Variants in SMARCC1 observed in about 807,000 individuals in gnomAD.
SMARCC1 encodes SWI/SNF complex subunit SMARCC1.
A neutral mutation model predicts 147.4 loss-of-function variants in SMARCC1; 43 were observed. That is an observed-to-expected ratio of 0.29 (90% CI 0.23 to 0.38). The LOEUF is 0.38. Among genes scored for constraint, SMARCC1 ranks in the 10% least tolerant of loss-of-function variants. SMARCC1 has a pLI of 1.00. For synonymous variants in SMARCC1, 495 were observed against 484.4 expected (o/e 1.02, Z -0.29); for missense variants, 1,119 against 1,381.1 (o/e 0.81, Z 3.01).
At chr3:47,617,368 A>T (rs1032261618) in intron 25 of SMARCC1, among the ~76,000 whole-genome samples, 1 of 152,238 alleles carries the variant, frequency 6.6e-6, no homozygotes, top group African/African-American at 2.4e-5. Context: ...TTCCTCACAT[A>T]GTTTGCCAGG....
intron 2 of SMARCC1, among the ~76,000 whole-genome samples, chr3:47,765,717 T>A (rs2034831703): frequency 6.6e-6 from 1 of 152,010 alleles, no homozygotes; most frequent in Admixed American, 6.6e-5. Flanking sequence ...TCTACATTTT[T>A]CCTCCAGTTG....
intron 26 of SMARCC1, chr3:47,604,025 G>A (rs1180937513): frequency 1.5e-5 from 7 of 456,686 alleles, no homozygotes; most frequent in Non-Finnish European, 3.1e-5. Context: ...ATAAGCATTT[G>A]ATGAATCAAA....
chr3:47,630,278 C>G (rs993077520), intron 24 of SMARCC1, among the ~76,000 whole-genome samples: 6 of 152,170 alleles, frequency 3.9e-5, no homozygotes, highest in Non-Finnish European at 8.8e-5. Flanking sequence ...CTCGCATGCA[C>G]AGTTCACAAA....
intron 7 of SMARCC1, among the ~76,000 whole-genome samples, chr3:47,716,723 T>C (rs548364363): frequency 6.6e-6 from 1 of 152,356 alleles, no homozygotes; most frequent in South Asian, 2.1e-4. Context: ...TTTTCCTATA[T>C]AGTTGCTGAA....
intron 3 of SMARCC1, among the ~76,000 whole-genome samples, chr3:47,739,509 T>G (rs1276354258): frequency 1.3e-5 from 2 of 152,122 alleles, no homozygotes; most frequent in Admixed American, 1.3e-4. Context: ...TTATTTTTAT[T>G]TTTGTAAAGC....
intron 11 of SMARCC1, among the ~76,000 whole-genome samples, chr3:47,696,903 C>T (rs2033859518): frequency 6.6e-6 from 1 of 152,158 alleles, no homozygotes; most frequent in African/African-American, 2.4e-5. Context: ...CTCCTTAGCC[C>T]AGGCTGCAGT....
At chr3:47,690,219 G>C (rs1266043768) in intron 12 of SMARCC1, among the ~76,000 whole-genome samples, 2 of 152,062 alleles carry the variant, frequency 1.3e-5, no homozygotes, top group Non-Finnish European at 2.9e-5. Context: ...AAAAGAAAAA[G>C]GGTTGGGTGC....
At chr3:47,768,367 T>C (rs2034865789) in intron 2 of SMARCC1, among the ~76,000 whole-genome samples, 1 of 152,162 alleles carries the variant, frequency 6.6e-6, no homozygotes, top group South Asian at 2.1e-4. Flanking sequence ...TTGTTTTTAA[T>C]TACGGCTTCT....
At chr3:47,665,426 G>A (rs1291398945) in intron 19 of SMARCC1, among the ~76,000 whole-genome samples, 2 of 151,964 alleles carry the variant, frequency 1.3e-5, no homozygotes, top group Admixed American at 6.6e-5. Flanking sequence ...TTATAAATAG[G>A]GATTTTCTAG....
At chr3:47,670,460 C>T in intron 19 of SMARCC1, 198 bp downstream of exon 19, 1 of 547,422 alleles carries the variant, frequency 1.8e-6, no homozygotes, top group Non-Finnish European at 3.3e-6. Flanking sequence ...TGGCACACGC[C>T]CTTAGTCCCA....
chr3:47,587,291 G>A lies in SMARCC1; in HGVS notation c.*918C>T, dbSNP rs2032086358. On this transcript the variant is annotated 3_prime_UTR_variant, in exon 28 of 28. Coordinates refer to ENST00000254480, the MANE Select transcript of SMARCC1 (RefSeq NM_003074.4). ...GAGAAAAAAATGCACACAAAGCAGT[G>A]AATAGTAGGCTAGACTCATTGGGGG... 1 of 109,468 alleles carries A rather than the reference G, an allele frequency of 9.1e-6. No individual in the cohort carries two copies. The highest frequency in any genetic ancestry group is 3.7e-4 in the South Asian group (1 of 2,734). 6.8% of individuals were successfully genotyped at this position (109,468 alleles called of 1,614,324 possible). A position where few individuals can be genotyped will look rare whatever the true frequency, so the allele number is the denominator to read the frequency against.
At chr3:47,671,151 G>C (rs1338431592) in intron 18 of SMARCC1, among the ~76,000 whole-genome samples, 1 of 96,056 alleles carries the variant, frequency 1.0e-5, no homozygotes, top group East Asian at 3.5e-4. Context: ...ACTCCAGCCT[G>C]GGCAACAGAG....
intron 1 of SMARCC1, among the ~76,000 whole-genome samples, chr3:47,774,086 T>C (rs950064497): frequency 2.0e-5 from 3 of 152,166 alleles, no homozygotes; most frequent in African/African-American, 7.2e-5. Flanking sequence ...GGTATGTCTC[T>C]ATTACAATAA....
intron 19 of SMARCC1, among the ~76,000 whole-genome samples, chr3:47,665,278 T>C (rs937185791): frequency 1.1e-4 from 17 of 152,198 alleles, no homozygotes; most frequent in African/African-American, 4.1e-4. Context: ...GGGTTTCCTC[T>C]GGATATTCAG....
chr3:47,725,032 C>CA (rs35548192), intron 6 of SMARCC1, among the ~76,000 whole-genome samples: 1,632 of 31,666 alleles, frequency 0.052, 138 homozygotes, highest in African/African-American at 0.16. Flanking sequence ...ACTGTCTCCA[C>CA]AAAAAAAAAA....
chr3:47,629,866 C>T (rs921389680), intron 24 of SMARCC1, among the ~76,000 whole-genome samples: 9 of 151,918 alleles, frequency 5.9e-5, no homozygotes, highest in Non-Finnish European at 1.3e-4. Context: ...AGGTTTTAAA[C>T]GACTAACTTC....
Position 47,676,765 on chromosome 3 carries a change from T to C in SMARCC1, c.1589A>G (p.Glu530Gly), listed in dbSNP as rs1251569549. 6.2e-7 allele frequency: 1 copy of C among 1,613,556 alleles called. No individual in the cohort carries two copies. Among genetic ancestry groups the C allele is most frequent in the Admixed American group, 1.7e-5 (1 of 60,008 alleles). ...TTGGTAATTAACGAGTCCCCACTGC[T>C]CTAAAAAGGCATGGACCCTAAAGAA... ...CAVMRVHAFL[E>G]QWGLVNYQVD... The change falls in exon 17 of 28, where the codon GAG (glutamate) becomes GGG (glycine). Residue 530 changes from glutamate to glycine, a missense_variant. Transcript: ENST00000254480.
chr3:47,661,608 G>A (rs781034099), intron 20 of SMARCC1, among the ~76,000 whole-genome samples, 153 bp from the exon 21 acceptor site: 1 of 152,028 alleles, frequency 6.6e-6, no homozygotes, highest in Non-Finnish European at 1.5e-5. Context: ...AAAAATGAGA[G>A]GACTAAATGA....
intron 2 of SMARCC1, 61 bp from the exon 3 acceptor site, chr3:47,746,054 TTAATTC>T (rs1238519558): frequency 3.8e-6 from 4 of 1,055,358 alleles, no homozygotes; most frequent in Non-Finnish European, 5.6e-6. Flanking sequence ...TACTCATGTC[TTAATTC>T]TAAGTTTTAT....
Sources: allele counts gnomAD v4.1 joint callset (sites outside exome capture counted in the v4.1 genomes callset), GRCh38; gene constraint gnomAD v4.1.1; transcripts MANE v1.5; gene names NCBI Gene and HGNC (gene_info 2026-07-23, HGNC 2026-07-21).